Variants in NUP37 observed in about 807,000 individuals in gnomAD.
NUP37 encodes the protein nucleoporin 37, also known as nucleoporin Nup37.
A neutral mutation model predicts 45.4 loss-of-function variants in NUP37; 33 were observed. The ratio of observed to expected loss-of-function variants is 0.73; its 90% CI spans 0.55 to 0.97. The LOEUF is 0.97. Ranked by LOEUF, NUP37 falls within the 50% of genes least tolerant of loss-of-function variation. The pLI, the probability that NUP37 is intolerant of heterozygous loss-of-function variation, is 0.00. For synonymous variants in NUP37, 127 were observed against 130.7 expected, an observed-to-expected ratio of 0.97 and a Z score of 0.19; for missense variants, 365 against 389.7, an observed-to-expected ratio of 0.94 and a Z score of 0.53.
At chr12:102,113,704 G>A (rs1246890350) in intron 2 of NUP37, among the ~76,000 whole-genome samples, 2 of 152,222 alleles carry the variant, frequency 1.3e-5, no homozygotes, top group East Asian at 3.9e-4. Flanking sequence ...GTATTATAAA[G>A]TATCAGGGAA....
intron 6 of NUP37, among the ~76,000 whole-genome samples, chr12:102,082,194 T>C (rs1879348980): frequency 6.6e-6 from 1 of 152,202 alleles, no homozygotes; most frequent in Non-Finnish European, 1.5e-5. Flanking sequence ...TATTTTACTA[T>C]CTGTTAAATT....
Position 102,073,809 on chromosome 12 carries a change from C to T in NUP37, c.*545G>A, listed in dbSNP as rs1202303811. ...AAGTGATTCTCCTGCCTCAGTCTTCCAAACCATGCTTGGCTAATTTTTTTT... is the reference window on the plus strand; with the variant it reads ...AAGTGATTCTCCTGCCTCAGTCTTCTAAACCATGCTTGGCTAATTTTTTTT... On this transcript the variant is annotated 3_prime_UTR_variant, in exon 10 of 10. Transcript: ENST00000552283. 3 of 152,100 alleles carry T rather than the reference C, an allele frequency of 2.0e-5. No homozygotes were observed. Among genetic ancestry groups the T allele is most frequent in the Non-Finnish European group, 2.9e-5 (2 of 68,026 alleles). The allele number at this position is 152,100 out of a possible 1,614,324, so 9.4% of individuals were successfully genotyped here.
intron 6 of NUP37, among the ~76,000 whole-genome samples, chr12:102,081,391 A>G (rs571379563): frequency 6.6e-6 from 1 of 152,340 alleles, no homozygotes; most frequent in East Asian, 1.9e-4. Context: ...TAAAAATGCT[A>G]CAGGGGGAAT....
chr12:102,094,797 G>C (rs1048941069), intron 5 of NUP37, among the ~76,000 whole-genome samples: 1 of 151,958 alleles, frequency 6.6e-6, no homozygotes, highest in African/African-American at 2.4e-5. Context: ...ATCCCAGTTA[G>C]AACATGACAA....
intron 3 of NUP37, among the ~76,000 whole-genome samples, chr12:102,107,063 T>G (rs1229393617): frequency 6.6e-6 from 1 of 152,162 alleles, no homozygotes; most frequent in Non-Finnish European, 1.5e-5. Flanking sequence ...ACCCCTAATT[T>G]TAGTGGGTTA....
chr12:102,082,350 A>G (rs11111154), intron 6 of NUP37, among the ~76,000 whole-genome samples: 23,027 of 152,102 alleles, frequency 0.15, 1,844 homozygotes, highest in Non-Finnish European at 0.18. Flanking sequence ...AAGGCCAAGC[A>G]TAAGAGGCTA....
At chr12:102,093,057 A>C (rs1229343961) in intron 5 of NUP37, among the ~76,000 whole-genome samples, 1 of 152,142 alleles carries the variant, frequency 6.6e-6, no homozygotes. Flanking sequence ...CAAGAATTAA[A>C]AGGGCAAAAA....
chr12:102,079,792 A>C (rs1024099934), intron 6 of NUP37, among the ~76,000 whole-genome samples: 1 of 152,196 alleles, frequency 6.6e-6, no homozygotes, highest in Non-Finnish European at 1.5e-5. Flanking sequence ...ATGTGGCACT[A>C]AACTGACGAG....
In NUP37 at chr12:102,085,826, A is replaced by G. The variant is rs776896891; in HGVS notation, c.480T>C (p.Ala160=). Residue 160 remains alanine (A), a synonymous_variant, in exon 6 of 10, where the codon GCT becomes GCC. Coordinates refer to ENST00000552283, the MANE Select transcript of NUP37 (RefSeq NM_024057.4). The part of the protein sequence containing the change: ...RIWNLEGVQT[A]HFVLHSPGMS... ...TGCCAGGAGAATGAAGAACAAAATGAGCTGTTTGCACTCCTTCCAAGTTCC... is the reference window on the plus strand; with the variant it reads ...TGCCAGGAGAATGAAGAACAAAATGGGCTGTTTGCACTCCTTCCAAGTTCC... The G allele has an allele frequency of 6.3e-7, 1 of 1,599,970 alleles. No homozygotes were observed. Among genetic ancestry groups the G allele is most frequent in the South Asian group, 1.1e-5 (1 of 90,366 alleles).
intron 5 of NUP37, among the ~76,000 whole-genome samples, chr12:102,089,761 C>T (rs931916778): frequency 3.9e-5 from 6 of 151,980 alleles, no homozygotes; most frequent in African/African-American, 9.7e-5. Context: ...AGGAGGTGGC[C>T]GGGCAGAGGC....
intron 5 of NUP37, among the ~76,000 whole-genome samples, chr12:102,088,779 T>C (rs1443863565): frequency 4.6e-5 from 7 of 150,918 alleles, no homozygotes; most frequent in Admixed American, 2.6e-4. Context: ...GGCAGGGTCA[T>C]AGGATAATAG....
At chr12:102,077,052 G>A in intron 7 of NUP37, 1 of 606,658 alleles carries the variant, frequency 1.6e-6, no homozygotes, top group Non-Finnish European at 2.9e-6. Flanking sequence ...CATGCAACAG[G>A]GTCAGTGTTT....
intron 3 of NUP37, among the ~76,000 whole-genome samples, chr12:102,109,385 A>T (rs1160536358): frequency 1.3e-5 from 2 of 152,166 alleles, no homozygotes; most frequent in Non-Finnish European, 2.9e-5. Flanking sequence ...ACTACTATTT[A>T]TTTTAGAATA....
intron 5 of NUP37, among the ~76,000 whole-genome samples, chr12:102,090,546 A>G (rs1018783147): frequency 1.3e-5 from 2 of 152,216 alleles, no homozygotes; most frequent in African/African-American, 4.8e-5. Flanking sequence ...TATGAATGTG[A>G]AAGCTATTTC....
intron 6 of NUP37, among the ~76,000 whole-genome samples, chr12:102,081,207 A>T (rs1210931669): frequency 6.6e-6 from 1 of 152,244 alleles, no homozygotes; most frequent in Non-Finnish European, 1.5e-5. Context: ...CAAAGCAGGC[A>T]CTCAAAAAAC....
intron 5 of NUP37, among the ~76,000 whole-genome samples, chr12:102,088,872 T>C (rs1879555873): frequency 6.6e-6 from 1 of 151,824 alleles, no homozygotes; most frequent in Admixed American, 6.6e-5. Context: ...TCCGCAGTGT[T>C]TGTGTCCCTG....
intron 6 of NUP37, among the ~76,000 whole-genome samples, chr12:102,082,140 T>C (rs1043971797): frequency 6.6e-6 from 1 of 152,174 alleles, no homozygotes; most frequent in South Asian, 2.1e-4. Flanking sequence ...TTGAGTCTTA[T>C]TGGATTTGGG....
intron 5 of NUP37, among the ~76,000 whole-genome samples, chr12:102,090,371 A>C (rs1459649145): frequency 6.6e-6 from 1 of 152,162 alleles, no homozygotes; most frequent in Non-Finnish European, 1.5e-5. Context: ...CCCCCTATAG[A>C]AGTGCCAAGA....
chr12:102,119,201 G>C (rs1335261346), intron 1 of NUP37: 1 of 152,200 alleles, frequency 6.6e-6, no homozygotes, highest in Non-Finnish European at 1.5e-5. Context: ...AATATAAACA[G>C]ATAGAAAATA....
Sources: allele counts gnomAD v4.1 joint callset (sites outside exome capture counted in the v4.1 genomes callset), GRCh38; gene constraint gnomAD v4.1.1; transcripts MANE v1.5; gene names NCBI Gene and HGNC (gene_info 2026-07-23, HGNC 2026-07-21).